CEMIP: variants seen among roughly 807,000 people sequenced by gnomAD.
The protein encoded by CEMIP is cell migration-inducing and hyaluronan-binding protein.
Under a neutral mutation model 156.9 loss-of-function variants are expected in CEMIP, and 105 were observed. That is an observed-to-expected ratio of 0.67 (90% confidence interval 0.57 to 0.79). The LOEUF (loss-of-function observed/expected upper bound fraction) is 0.79. CEMIP is among the 30% of genes least tolerant of loss of function. CEMIP has a pLI of 0.00. For synonymous variants in CEMIP, 676 were observed against 668.4 expected (o/e 1.01, Z -0.17); for missense variants, 1,457 against 1,769.4 (o/e 0.82, Z 3.17).
At chr15:80,779,856 T>G (rs1895744929) in intron 1 of CEMIP, among the ~76,000 whole-genome samples, 1 of 152,250 alleles carries the variant, frequency 6.6e-6, no homozygotes, top group South Asian at 2.1e-4. Context: ...GATCTTGTGA[T>G]GCTTTACAAG....
intron 29 of CEMIP, 95 bp from the exon 30 acceptor site, chr15:80,948,702 G>T: frequency 6.5e-7 from 1 of 1,540,264 alleles, no homozygotes; most frequent in South Asian, 1.1e-5. Flanking sequence ...GTACCTGGTG[G>T]GCGTGGGGGG....
chr15:80,935,929 G>T (rs1466709711), intron 23 of CEMIP, among the ~76,000 whole-genome samples: 1 of 152,156 alleles, frequency 6.6e-6, no homozygotes, highest in Non-Finnish European at 1.5e-5. Flanking sequence ...GTAGAGGCAG[G>T]GTTTCTCCAT....
At chr15:80,862,419 G>C (rs1447660700) in intron 1 of CEMIP, among the ~76,000 whole-genome samples, 1 of 152,230 alleles carries the variant, frequency 6.6e-6, no homozygotes, top group Non-Finnish European at 1.5e-5. Context: ...AGTCGGGGCT[G>C]GAGGGACAGT....
rs754872576 is a variant in CEMIP, at chr15:80,895,124, T to C, written c.1219+2T>C. 3 of 1,614,168 alleles carry C rather than the reference T, an allele frequency of 1.9e-6. No individual in the cohort carries two copies. Among genetic ancestry groups the C allele is most frequent in the Non-Finnish European group, 2.5e-6 (3 of 1,180,016 alleles). On this transcript the variant is annotated splice_donor_variant, in intron 11 of 29. Coordinates refer to ENST00000394685, the MANE Select transcript of CEMIP (RefSeq NM_001293298.2). LOFTEE classifies it high-confidence loss of function. ...TACGGTTCCTCTGTGGGAAGCCTGGTAAGCAGCCCCTTGTCGGGGACACAG... is the reference window on the plus strand; with the variant it reads ...TACGGTTCCTCTGTGGGAAGCCTGGCAAGCAGCCCCTTGTCGGGGACACAG...
chr15:80,833,633 A>G (rs942715956), intron 1 of CEMIP, among the ~76,000 whole-genome samples: 20 of 150,134 alleles, frequency 1.3e-4, no homozygotes, highest in African/African-American at 4.4e-4. Context: ...CCTCATCATC[A>G]TCATTTGTAG....
chr15:80,933,045 T>C (rs1424089180), intron 22 of CEMIP, among the ~76,000 whole-genome samples, 200 bp from the exon 23 acceptor site: 1 of 152,098 alleles, frequency 6.6e-6, no homozygotes, highest in Non-Finnish European at 1.5e-5. Context: ...GGTCTGGGAG[T>C]TGAGGCACAG....
At chr15:80,796,211 C>T (rs967847962) in intron 1 of CEMIP, among the ~76,000 whole-genome samples, 3 of 152,154 alleles carry the variant, frequency 2.0e-5, no homozygotes, top group South Asian at 2.1e-4. Context: ...TGGGCCCAAG[C>T]GATCCTCCTG....
At chr15:80,944,381 T>C (rs998784567) in intron 28 of CEMIP, among the ~76,000 whole-genome samples, 1 of 152,186 alleles carries the variant, frequency 6.6e-6, no homozygotes, top group Non-Finnish European at 1.5e-5. Context: ...CTTCTCAATG[T>C]TGGGGCCATG....
chr15:80,884,467 A>T, intron 7 of CEMIP, 113 bp downstream of exon 7: 1 of 1,095,114 alleles, frequency 9.1e-7, no homozygotes, highest in South Asian at 1.3e-5. Flanking sequence ...ATCCTAAATG[A>T]CCTAGTGGAT....
chr15:80,863,201 G>C (rs1898030725), intron 1 of CEMIP, among the ~76,000 whole-genome samples: 1 of 152,232 alleles, frequency 6.6e-6, no homozygotes, highest in African/African-American at 2.4e-5. Context: ...CAAAAAAAGA[G>C]TGATGTATTT....
chr15:80,909,880 T>C, intron 14 of CEMIP: 1 of 328,840 alleles, frequency 3.0e-6, no homozygotes, highest in Non-Finnish European at 6.0e-6. Context: ...CTCTGTAAAG[T>C]TTAACACTGG....
rs147151464 is a variant in CEMIP, at chr15:80,796,887, A to G, written c.-176+17273A>G. 2.3e-4 allele frequency among the ~76,000 whole-genome samples: 35 copies of G among 152,334 alleles called. No homozygotes were observed. In the Middle Eastern group the frequency reaches 0.014, roughly 59 times the overall value. On this transcript the variant is annotated intron_variant, in intron 1 of 29. Coordinates refer to ENST00000394685, the MANE Select transcript of CEMIP (RefSeq NM_001293298.2). ...GTGGGACCTCATTATTCTTGGGGGA[A>G]TTAATCTTTGACTTGAACCTTACAA...
chr15:80,829,474 A>C (rs1897108296), intron 1 of CEMIP, among the ~76,000 whole-genome samples: 1 of 152,112 alleles, frequency 6.6e-6, no homozygotes, highest in Admixed American at 6.5e-5. Context: ...CTCCTTTTAA[A>C]AGCTACCCAC....
chr15:80,945,108 A>G (rs1901493763), intron 28 of CEMIP, among the ~76,000 whole-genome samples: 1 of 152,108 alleles, frequency 6.6e-6, no homozygotes, highest in Non-Finnish European at 1.5e-5. Flanking sequence ...GGTCCTGGGG[A>G]GAGAAGAGGG....
At chr15:80,786,172 G>A (rs1212979130) in intron 1 of CEMIP, among the ~76,000 whole-genome samples, 1 of 152,046 alleles carries the variant, frequency 6.6e-6, no homozygotes, top group African/African-American at 2.4e-5. Context: ...GGGTCATTTC[G>A]TTTTGCTTTT....
chr15:80,909,433 A>T (rs1899956432), intron 14 of CEMIP, 127 bp downstream of exon 14: 3 of 953,766 alleles, frequency 3.1e-6, no homozygotes, highest in Admixed American at 2.0e-5. Context: ...TTCAGGTTTC[A>T]GAAAGATATC....
intron 1 of CEMIP, among the ~76,000 whole-genome samples, chr15:80,872,009 T>C (rs2141803491): frequency 6.6e-6 from 1 of 152,164 alleles, no homozygotes; most frequent in Non-Finnish European, 1.5e-5. Context: ...GAGTATCGTT[T>C]CCTCCCTCCC....
intron 18 of CEMIP, 119 bp from the exon 19 acceptor site, chr15:80,925,505 T>C: frequency 7.2e-7 from 1 of 1,383,778 alleles, no homozygotes; most frequent in East Asian, 2.4e-5. Context: ...TGGGTTTCTG[T>C]TCAGTCAATG....
chr15:80,894,810 T>C (rs1238095910), intron 10 of CEMIP, among the ~76,000 whole-genome samples, 180 bp from the exon 11 acceptor site: 4 of 152,202 alleles, frequency 2.6e-5, no homozygotes, highest in African/African-American at 7.2e-5. Flanking sequence ...CTTTAGGCTG[T>C]CTTTCTCATA....
Sources: allele counts gnomAD v4.1 joint callset (sites outside exome capture counted in the v4.1 genomes callset), GRCh38; gene constraint gnomAD v4.1.1; transcripts MANE v1.5; gene names NCBI Gene and HGNC (gene_info 2026-07-23, HGNC 2026-07-21).